Variants in LRMDA observed in about 807,000 individuals in gnomAD.
LRMDA encodes leucine-rich melanocyte differentiation-associated protein.
Under a neutral mutation model 29.8 loss-of-function variants are expected in LRMDA, and 18 were observed. The observed-to-expected ratio is 0.60, with a 90% CI of 0.42 to 0.90. The LOEUF (loss-of-function observed/expected upper bound fraction) is 0.90. Ranked by LOEUF, LRMDA falls within the 40% of genes least tolerant of loss-of-function variation. The probability of loss-of-function intolerance (pLI) is 0.00; values close to 1 mark genes in which losing one functional copy is unlikely to be tolerated. For missense variants in LRMDA, 273 were observed against 273.9 expected, an observed-to-expected ratio of 1.00 and a Z score of 0.02; for synonymous variants, 125 against 109.4, an observed-to-expected ratio of 1.14 and a Z score of -0.89.
intron 5 of LRMDA, among the ~76,000 whole-genome samples, chr10:76,066,756 C>T (rs1294547004): frequency 6.6e-6 from 1 of 152,178 alleles, no homozygotes; most frequent in East Asian, 1.9e-4. Context: ...ACTACAGGAG[C>T]CAGGCTGTGG....
intron 2 of LRMDA, among the ~76,000 whole-genome samples, chr10:75,901,642 G>A (rs1490037214): frequency 1.3e-5 from 2 of 152,132 alleles, no homozygotes; most frequent in Non-Finnish European, 2.9e-5. Flanking sequence ...CAAGCTTCAA[G>A]TCAAAGTGCA....
chr10:75,702,676 A>G (rs1008675955), intron 2 of LRMDA, among the ~76,000 whole-genome samples: 3 of 152,222 alleles, frequency 2.0e-5, no homozygotes, highest in Non-Finnish European at 2.9e-5. Flanking sequence ...CAAATAGATT[A>G]TTTTTATTGC....
intron 2 of LRMDA, among the ~76,000 whole-genome samples, chr10:76,003,436 C>T (rs1349617031): frequency 6.6e-6 from 1 of 152,142 alleles, no homozygotes; most frequent in African/African-American, 2.4e-5. Flanking sequence ...GTGTATCAGG[C>T]ACTATCCTAG....
intron 5 of LRMDA, among the ~76,000 whole-genome samples, chr10:76,119,811 C>T (rs796090961): frequency 1.4e-4 from 21 of 152,180 alleles, no homozygotes; most frequent in African/African-American, 4.6e-4. Flanking sequence ...TTCGTCATGG[C>T]TTTGGCATGA....
At chr10:76,229,697 C>T (rs1852024526) in intron 5 of LRMDA, among the ~76,000 whole-genome samples, 1 of 152,074 alleles carries the variant, frequency 6.6e-6, no homozygotes, top group African/African-American at 2.4e-5. Context: ...TCAACACCCC[C>T]ACACTTTGAG....
At chr10:76,329,311 C>T (rs1240205212) in intron 6 of LRMDA, among the ~76,000 whole-genome samples, 1 of 152,334 alleles carries the variant, frequency 6.6e-6, no homozygotes. Context: ...CCCTGCCTTG[C>T]CAATAGCTAT....
intron 2 of LRMDA, among the ~76,000 whole-genome samples, chr10:75,581,608 TA>T (rs35419563): frequency 2.0e-5 from 3 of 151,112 alleles, no homozygotes; most frequent in African/African-American, 7.3e-5. Flanking sequence ...TATGCAGCCA[TA>T]AAAAAAGGAT....
intron 2 of LRMDA, among the ~76,000 whole-genome samples, chr10:75,582,968 A>G (rs1840612957): frequency 6.6e-6 from 1 of 152,204 alleles, no homozygotes; most frequent in African/African-American, 2.4e-5. Context: ...CTAAAGCATC[A>G]CAAAAGCAAC....
chr10:75,597,574 G>C (rs1840807070), intron 2 of LRMDA, among the ~76,000 whole-genome samples: 1 of 152,146 alleles, frequency 6.6e-6, no homozygotes, highest in African/African-American at 2.4e-5. Context: ...GGTAATCCTG[G>C]CGTAGCAGGT....
intron 2 of LRMDA, among the ~76,000 whole-genome samples, chr10:75,445,824 C>G (rs1000969067): frequency 6.6e-6 from 1 of 152,252 alleles, no homozygotes; most frequent in Admixed American, 6.5e-5. Context: ...TTTAATTGAT[C>G]TATGGCAACA....
chr10:76,484,077 T>A (rs1442311937), intron 6 of LRMDA, among the ~76,000 whole-genome samples: 3 of 151,856 alleles, frequency 2.0e-5, no homozygotes, highest in Non-Finnish European at 4.4e-5. Context: ...ATGCTCTTCC[T>A]CCTTCTTTTC....
intron 2 of LRMDA, among the ~76,000 whole-genome samples, chr10:75,551,649 C>A (rs1231212303): frequency 6.6e-6 from 1 of 152,096 alleles, no homozygotes; most frequent in Non-Finnish European, 1.5e-5. Flanking sequence ...CATGTCCCTG[C>A]AAAGGACATG....
chr10:76,467,961 T>C (rs1842580455), intron 6 of LRMDA, among the ~76,000 whole-genome samples: 1 of 152,204 alleles, frequency 6.6e-6, no homozygotes, highest in African/African-American at 2.4e-5. Context: ...ATTCAGCTGA[T>C]TCAGAGCGTT....
chr10:75,834,716 C>T (rs1198992288), intron 2 of LRMDA, among the ~76,000 whole-genome samples: 1 of 152,208 alleles, frequency 6.6e-6, no homozygotes, highest in Non-Finnish European at 1.5e-5. Context: ...ACTAAGGATC[C>T]TCTTCCAGTG....
At chr10:76,482,759 A>G (rs539469994) in intron 6 of LRMDA, among the ~76,000 whole-genome samples, 2 of 152,086 alleles carry the variant, frequency 1.3e-5, no homozygotes, top group East Asian at 3.9e-4. Context: ...ATGTTGCCAG[A>G]TAGTTTTTTA....
At chr10:75,791,479 G>A (rs867133431) in intron 2 of LRMDA, among the ~76,000 whole-genome samples, 8 of 152,150 alleles carry the variant, frequency 5.3e-5, no homozygotes, top group Non-Finnish European at 7.3e-5. Flanking sequence ...AAAATTACAA[G>A]CACAATGCCA....
intron 2 of LRMDA, among the ~76,000 whole-genome samples, chr10:75,602,922 A>T (rs1025683940): frequency 4.5e-4 from 69 of 152,238 alleles, no homozygotes; most frequent in Admixed American, 4.4e-3. Flanking sequence ...TATTCATTCT[A>T]TAAAGCCCTG....
chr10:75,434,334 C>T (rs551124028), intron 1 of LRMDA, among the ~76,000 whole-genome samples: 66 of 152,170 alleles, frequency 4.3e-4, no homozygotes, highest in African/African-American at 1.5e-3. Context: ...ACAATAGGGA[C>T]GATAATATGC....
At chr10:75,602,559 G>A (rs1010443616) in intron 2 of LRMDA, among the ~76,000 whole-genome samples, 1 of 152,118 alleles carries the variant, frequency 6.6e-6, no homozygotes, top group Non-Finnish European at 1.5e-5. Flanking sequence ...CTCCACTGTT[G>A]ATCCCCCTAG....
Sources: allele counts gnomAD v4.1 joint callset (sites outside exome capture counted in the v4.1 genomes callset), GRCh38; gene constraint gnomAD v4.1.1; transcripts MANE v1.5; gene names NCBI Gene and HGNC (gene_info 2026-07-23, HGNC 2026-07-21).